Variants in ATP8A1 observed in about 807,000 individuals in gnomAD.
The protein encoded by ATP8A1 is ATPase phospholipid transporting 8A1.
ATP8A1 carries 90 observed loss-of-function variants against 177.7 expected under a neutral mutation model. The observed-to-expected ratio is 0.51, with a 90% CI of 0.43 to 0.60. The LOEUF (loss-of-function observed/expected upper bound fraction) is 0.60. Ranked by LOEUF, ATP8A1 falls within the 20% of genes least tolerant of loss-of-function variation. ATP8A1 has a pLI of 0.00. For synonymous variants in ATP8A1, 493 were observed against 485.9 expected, an observed-to-expected ratio of 1.01 and a Z score of -0.19; for missense variants, 1,072 against 1,392.8, an observed-to-expected ratio of 0.77 and a Z score of 3.67.
chr4:42,592,231 G>A (rs1734254358), intron 6 of ATP8A1, among the ~76,000 whole-genome samples: 2 of 152,072 alleles, frequency 1.3e-5, no homozygotes, highest in African/African-American at 4.8e-5. Flanking sequence ...GAAGTTAATC[G>A]CTGTGGAGAC....
intron 8 of ATP8A1, among the ~76,000 whole-genome samples, chr4:42,587,311 T>C: frequency 7.5e-6 from 1 of 133,612 alleles, no homozygotes; most frequent in South Asian, 2.3e-4. Context: ...TTTTCTTTTC[T>C]TTTTTTTTTT....
At chr4:42,477,902 G>A (rs79677627) in intron 25 of ATP8A1, among the ~76,000 whole-genome samples, 25,396 of 151,778 alleles carry the variant, frequency 0.17, 2,370 homozygotes, top group South Asian at 0.24. Context: ...AGGACAGCTT[G>A]AGCCTTGGAG....
In ATP8A1 at chr4:42,516,130, C is replaced by T. The variant is rs76328279; in HGVS notation, c.1947+6030G>A. Among the ~76,000 whole-genome samples, 696 of 152,256 alleles carry T rather than the reference C, an allele frequency of 4.6e-3. 31 individuals carry two copies. The East Asian group carries it at 0.086, about 19-fold the overall frequency. ...CATCAAATATTTATTGAGTGGTTAA[C>T]ATAGGCTAGTCAGTCAAGCGCTGGA... is the stretch of plus-strand genomic sequence containing the variant. On this transcript the variant is annotated intron_variant, in intron 22 of 36. Coordinates refer to ENST00000381668, the MANE Select transcript of ATP8A1 (RefSeq NM_006095.2).
chr4:42,459,311 T>C (rs61684192), intron 27 of ATP8A1: 7,564 of 169,998 alleles, frequency 0.044, 301 homozygotes, highest in African/African-American at 0.099. Flanking sequence ...AAGATTGTTT[T>C]CATTTGATTT....
intron 33 of ATP8A1, among the ~76,000 whole-genome samples, chr4:42,424,500 T>C (rs1010960106): frequency 6.6e-6 from 1 of 152,164 alleles, no homozygotes; most frequent in Non-Finnish European, 1.5e-5. Flanking sequence ...CTAATTCCAT[T>C]AAAAAGTAGC....
At chr4:42,525,083 T>A (rs1243219770) in intron 20 of ATP8A1, among the ~76,000 whole-genome samples, 1 of 152,230 alleles carries the variant, frequency 6.6e-6, no homozygotes, top group Admixed American at 6.5e-5. Flanking sequence ...GTTATTCCCA[T>A]GTTCATATCT....
intron 16 of ATP8A1, among the ~76,000 whole-genome samples, chr4:42,554,017 C>T (rs878884301): frequency 6.6e-6 from 1 of 152,134 alleles, no homozygotes; most frequent in African/African-American, 2.4e-5. Flanking sequence ...GAGAAAGGAG[C>T]TCAAAGTGAG....
rs144268130 is a variant in ATP8A1 at position 42,650,083 on chromosome 4, G to A, written c.49+6742C>T. ...TAGAGACCCACGCAGCAAACATTTC[G>A]TTAACTTCAAAAGTGTCCTCTGACC... is the stretch of plus-strand genomic sequence containing the variant. On this transcript the variant is annotated intron_variant, in intron 1 of 36. Coordinates refer to ENST00000381668, the MANE Select transcript of ATP8A1 (RefSeq NM_006095.2). Among the ~76,000 whole-genome samples the A allele has an allele frequency of 3.4e-3, 522 of 152,268 alleles. 1 individual carries two copies. The highest frequency in any genetic ancestry group is 0.012 in the African/African-American group (497 of 41,554).
At chr4:42,576,341 T>C (rs1577625146) in intron 12 of ATP8A1, among the ~76,000 whole-genome samples, 1 of 151,656 alleles carries the variant, frequency 6.6e-6, no homozygotes, top group Admixed American at 6.6e-5. Flanking sequence ...CCGGGAGTGG[T>C]GGCAGGCACC....
At chr4:42,491,315 T>C (rs1279734729) in intron 24 of ATP8A1, among the ~76,000 whole-genome samples, 2 of 152,186 alleles carry the variant, frequency 1.3e-5, no homozygotes, top group Admixed American at 1.3e-4. Context: ...GAAACATGCT[T>C]GGCAGATAAT....
intron 1 of ATP8A1, among the ~76,000 whole-genome samples, chr4:42,635,951 C>T (rs774659733): frequency 6.6e-6 from 1 of 151,450 alleles, no homozygotes; most frequent in African/African-American, 2.4e-5. Flanking sequence ...ATTCAGTCCT[C>T]TCTGTGTTCA....
At chr4:42,514,071 A>C (rs1032422682) in intron 22 of ATP8A1, among the ~76,000 whole-genome samples, 1 of 152,190 alleles carries the variant, frequency 6.6e-6, no homozygotes, top group African/African-American at 2.4e-5. Context: ...ACTAAGACTA[A>C]GAGCATTAAG....
intron 20 of ATP8A1, among the ~76,000 whole-genome samples, chr4:42,526,051 GATATTAATAC>G (rs1440217778): frequency 6.6e-6 from 1 of 152,020 alleles, no homozygotes; most frequent in Non-Finnish European, 1.5e-5. Flanking sequence ...TATTTTCAAT[GATATTAATAC>G]ATTCCATTCT....
chr4:42,422,806 C>T lies in ATP8A1; in HGVS notation c.3305+1G>A. On this transcript the variant is annotated splice_donor_variant, in intron 35 of 36. Transcript: ENST00000381668. LOFTEE classifies it high-confidence loss of function. ...AAGAATATATTCACTGTGTATTTTACCTTTTTCCAAGTACAACTGCTCCTG... is the reference window on the plus strand; with the variant it reads ...AAGAATATATTCACTGTGTATTTTATCTTTTTCCAAGTACAACTGCTCCTG... The T allele has an allele frequency of 6.2e-7, 1 of 1,609,382 alleles. No individual in the cohort carries two copies. Among genetic ancestry groups the T allele is most frequent in the Non-Finnish European group, 8.5e-7 (1 of 1,177,118 alleles).
At chr4:42,456,539 T>C (rs1351620869) in intron 27 of ATP8A1, among the ~76,000 whole-genome samples, 1 of 152,120 alleles carries the variant, frequency 6.6e-6, no homozygotes, top group Admixed American at 6.6e-5. Context: ...TAAGGGACAA[T>C]ATGGACAAAT....
At chr4:42,643,338 T>A (rs1264022042) in intron 1 of ATP8A1, among the ~76,000 whole-genome samples, 1 of 152,202 alleles carries the variant, frequency 6.6e-6, no homozygotes, top group African/African-American at 2.4e-5. Flanking sequence ...ATAAAATAAA[T>A]GTCTACAAAC....
chr4:42,555,007 C>T (rs940176625), intron 16 of ATP8A1, among the ~76,000 whole-genome samples: 1 of 152,112 alleles, frequency 6.6e-6, no homozygotes, highest in Non-Finnish European at 1.5e-5. Context: ...GGACTGGCTT[C>T]CTTGCTCCTC....
rs532726702 is a variant in ATP8A1 at position 42,496,407 on chromosome 4, C to A, written c.2151+7043G>T. Among the ~76,000 whole-genome samples the A allele has an allele frequency of 2.0e-5, 3 of 152,278 alleles. No homozygotes were observed. The South Asian group carries it at 6.2e-4, about 32-fold the overall frequency. ...TTTGGTATTAAATATTCTCCAGTGG[C>A]AGCAGTGAATGCAGAAGCAAAGCAC... On this transcript the variant is annotated intron_variant, in intron 24 of 36. Transcript: ENST00000381668.
intron 20 of ATP8A1, among the ~76,000 whole-genome samples, chr4:42,539,073 A>G (rs1728122092): frequency 6.6e-6 from 1 of 152,246 alleles, no homozygotes; most frequent in Non-Finnish European, 1.5e-5. Flanking sequence ...AATACTACTC[A>G]GCCATTAAAA....
Sources: gnomAD v4.1 joint callset for allele counts (sites outside exome capture counted in the v4.1 genomes callset) on GRCh38, gnomAD v4.1.1 for gene constraint, MANE v1.5 for transcripts, NCBI Gene and HGNC (gene_info 2026-07-23, HGNC 2026-07-21) for gene names.